LMBR1: variants seen among roughly 807,000 people sequenced by gnomAD.
LMBR1 encodes limb region 1 protein homolog.
A neutral mutation model predicts 73.9 loss-of-function variants in LMBR1; 52 were observed. The ratio of observed to expected loss-of-function variants is 0.70; its 90% CI spans 0.56 to 0.89. The LOEUF (loss-of-function observed/expected upper bound fraction) is 0.89, where lower values mean the gene tolerates loss of function less well. Among genes scored for constraint, LMBR1 ranks in the 40% least tolerant of loss-of-function variants. LMBR1 has a pLI of 0.00. For missense variants in LMBR1, 539 were observed against 579.8 expected (o/e 0.93, Z 0.72); for synonymous variants, 215 against 209.4 (o/e 1.03, Z -0.23).
chr7:156,819,064 A>G (rs1834358932), intron 4 of LMBR1, among the ~76,000 whole-genome samples: 1 of 152,106 alleles, frequency 6.6e-6, no homozygotes, highest in Non-Finnish European at 1.5e-5. Context: ...CCTAACTCCA[A>G]TGCTCCAATG....
chr7:156,749,905 T>A (rs915886965), intron 9 of LMBR1, among the ~76,000 whole-genome samples: 8 of 152,042 alleles, frequency 5.3e-5, no homozygotes, highest in Non-Finnish European at 7.4e-5. Flanking sequence ...GCCAGGTGGG[T>A]CTTGAACTCC....
At chr7:156,820,419 A>G (rs1420668081) in intron 4 of LMBR1, among the ~76,000 whole-genome samples, 1 of 152,154 alleles carries the variant, frequency 6.6e-6, no homozygotes, top group East Asian at 1.9e-4. Flanking sequence ...TCCATAGGAT[A>G]TTAATATCAC....
chr7:156,862,093 T>G (rs1489707531), intron 1 of LMBR1, among the ~76,000 whole-genome samples: 1 of 152,236 alleles, frequency 6.6e-6, no homozygotes, highest in African/African-American at 2.4e-5. Flanking sequence ...TCCACGCTGC[T>G]GATAAAGACA....
chr7:156,710,211 G>T (rs1811797313), intron 15 of LMBR1, among the ~76,000 whole-genome samples: 1 of 151,874 alleles, frequency 6.6e-6, no homozygotes, highest in Non-Finnish European at 1.5e-5. Context: ...GGCCCAGAAG[G>T]TTGATTATTA....
chr7:156,832,650 T>C (rs1011505630), intron 3 of LMBR1, among the ~76,000 whole-genome samples: 2 of 152,234 alleles, frequency 1.3e-5, no homozygotes, highest in African/African-American at 4.8e-5. Flanking sequence ...TTCCATTGTA[T>C]GTAGAAGCAT....
intron 5 of LMBR1, among the ~76,000 whole-genome samples, chr7:156,766,213 A>C (rs1431139937): frequency 6.6e-6 from 1 of 152,148 alleles, no homozygotes; most frequent in Non-Finnish European, 1.5e-5. Flanking sequence ...GTCGTACAGC[A>C]GATGGCCTTG....
At chr7:156,801,916 C>G (rs1347521123) in intron 4 of LMBR1, among the ~76,000 whole-genome samples, 1 of 152,120 alleles carries the variant, frequency 6.6e-6, no homozygotes, top group African/African-American at 2.4e-5. Flanking sequence ...TGTCCCAGAG[C>G]AAGAAAAACT....
At chr7:156,868,256 C>A (rs922565805) in intron 1 of LMBR1, among the ~76,000 whole-genome samples, 24 of 149,000 alleles carry the variant, frequency 1.6e-4, no homozygotes, top group African/African-American at 6.0e-4. Context: ...TGCAGGGGTG[C>A]AATCTCGGCT....
intron 1 of LMBR1, among the ~76,000 whole-genome samples, chr7:156,858,143 A>C (rs1202753855): frequency 6.6e-6 from 1 of 152,000 alleles, no homozygotes; most frequent in Non-Finnish European, 1.5e-5. Flanking sequence ...AAAATTCACA[A>C]AATCAAAAGC....
At chr7:156,850,653 T>C (rs1246028641) in intron 1 of LMBR1, among the ~76,000 whole-genome samples, 2 of 152,240 alleles carry the variant, frequency 1.3e-5, no homozygotes, top group Non-Finnish European at 2.9e-5. Context: ...GAAAAACCTC[T>C]GTTTCATTAA....
chr7:156,821,474 G>T (rs577336802), intron 4 of LMBR1, among the ~76,000 whole-genome samples: 1 of 152,344 alleles, frequency 6.6e-6, no homozygotes, highest in East Asian at 1.9e-4. Context: ...AGATCTATGG[G>T]CTGTACATCT....
intron 2 of LMBR1, 61 bp from the exon 3 acceptor site, chr7:156,833,853 T>C (rs771719260): frequency 9.5e-7 from 1 of 1,057,610 alleles, no homozygotes. Flanking sequence ...GTCATTAATT[T>C]ATTAAAACTA....
chr7:156,754,714 G>A (rs1821536112), intron 9 of LMBR1, among the ~76,000 whole-genome samples: 2 of 151,836 alleles, frequency 1.3e-5, no homozygotes, highest in Admixed American at 6.6e-5. Flanking sequence ...TAAAATCCAG[G>A]GGATGGTTTC....
At chr7:156,726,709 C>A (rs1021101234) in intron 12 of LMBR1, among the ~76,000 whole-genome samples, 3 of 152,188 alleles carry the variant, frequency 2.0e-5, no homozygotes, top group African/African-American at 7.2e-5. Flanking sequence ...GGGTTCAAGA[C>A]ACACTACTCC....
chr7:156,888,916 C>CGGT (rs1277234935), intron 1 of LMBR1, among the ~76,000 whole-genome samples: 10 of 151,666 alleles, frequency 6.6e-5, no homozygotes. Context: ...TAGCCAAGTG[C>CGGT]GGTGGCGCAT....
chr7:156,729,752 C>T (rs1318734673), intron 10 of LMBR1, among the ~76,000 whole-genome samples: 1 of 152,168 alleles, frequency 6.6e-6, no homozygotes, highest in Non-Finnish European at 1.5e-5. Context: ...GGATTACAGG[C>T]GTGAGCCACT....
intron 1 of LMBR1, chr7:156,872,298 T>C (rs990367758): frequency 1.3e-5 from 2 of 151,988 alleles, no homozygotes; most frequent in Non-Finnish European, 2.9e-5. Context: ...ATAAACTATC[T>C]AAAAAGGAAA....
intron 5 of LMBR1, among the ~76,000 whole-genome samples, chr7:156,777,825 C>T (rs1028805657): frequency 2.0e-5 from 3 of 152,186 alleles, no homozygotes; most frequent in Admixed American, 6.5e-5. Flanking sequence ...TACCTGAAAA[C>T]ATGACATCAT....
At chr7:156,767,546 A>T (rs1461815837) in intron 5 of LMBR1, among the ~76,000 whole-genome samples, 1 of 152,080 alleles carries the variant, frequency 6.6e-6, no homozygotes, top group East Asian at 1.9e-4. Context: ...ACAGCAGAGA[A>T]ATTAAAGTTA....
Sources: allele counts gnomAD v4.1 joint callset (sites outside exome capture counted in the v4.1 genomes callset), GRCh38; gene constraint gnomAD v4.1.1; transcripts MANE v1.5; gene names NCBI Gene and HGNC (gene_info 2026-07-23, HGNC 2026-07-21).